Variants in TENM3 observed in about 807,000 individuals in gnomAD.
TENM3 encodes teneurin-3.
In TENM3, 63 loss-of-function variants were observed where a neutral mutation model predicts 255.1. The ratio of observed to expected loss-of-function variants is 0.25; its 90% CI spans 0.20 to 0.30. The LOEUF (loss-of-function observed/expected upper bound fraction) is 0.30. Among genes scored for constraint, TENM3 ranks in the 10% least tolerant of loss-of-function variants. The pLI is 1.00. For synonymous variants in TENM3, 1,306 were observed against 1,322.3 expected (o/e 0.99, Z 0.27); for missense variants, 2,929 against 3,461.1 (o/e 0.85, Z 3.86).
chr4:182,046,915 A>G, the TENM3 span, among the ~76,000 whole-genome samples: 17 of 152,092 alleles, frequency 1.1e-4, 1 homozygote, highest in Admixed American at 1.1e-3. Context: ...AATGCCAAGA[A>G]TTTTTCTTTT....
chr4:181,496,144 G>A, the TENM3 span, among the ~76,000 whole-genome samples: 2 of 151,670 alleles, frequency 1.3e-5, no homozygotes, highest in South Asian at 2.1e-4. Flanking sequence ...AGAAATGAAC[G>A]CTGGGCCTCA....
chr4:182,394,008 T>C (rs1426438636), intron 3 of TENM3, among the ~76,000 whole-genome samples: 1 of 152,182 alleles, frequency 6.6e-6, no homozygotes, highest in Non-Finnish European at 1.5e-5. Flanking sequence ...GTTACAATCC[T>C]AGGGAAGAAG....
the TENM3 span, among the ~76,000 whole-genome samples, chr4:182,061,478 C>T: frequency 6.6e-6 from 1 of 152,056 alleles, no homozygotes; most frequent in Non-Finnish European, 1.5e-5. Context: ...TTTGATTACC[C>T]TCAGTGCTGA....
At chr4:181,997,022 A>AC in the TENM3 span, among the ~76,000 whole-genome samples, 1 of 152,156 alleles carries the variant, frequency 6.6e-6, no homozygotes. Context: ...TGCAATTTTA[A>AC]CCCTTGCAAT....
intron 5 of TENM3, among the ~76,000 whole-genome samples, chr4:182,645,226 G>T (rs1331868627): frequency 6.6e-6 from 1 of 151,942 alleles, no homozygotes; most frequent in Non-Finnish European, 1.5e-5. Flanking sequence ...TTTGTCTTTA[G>T]TAAAGTTTGA....
chr4:181,489,649 A>G, the TENM3 span, among the ~76,000 whole-genome samples: 3,097 of 152,276 alleles, frequency 0.02, 91 homozygotes, highest in African/African-American at 0.067. Flanking sequence ...TAACAGATAT[A>G]TGTGTACATG....
the TENM3 span, among the ~76,000 whole-genome samples, chr4:181,947,600 A>G: frequency 1.6e-4 from 25 of 152,284 alleles, no homozygotes; most frequent in African/African-American, 4.8e-4. Context: ...TATTTGAAAA[A>G]TGTTACTTAT....
intron 13 of TENM3, among the ~76,000 whole-genome samples, chr4:182,727,515 G>T (rs900881872): frequency 6.6e-6 from 1 of 151,364 alleles, no homozygotes; most frequent in Admixed American, 6.6e-5. Context: ...GACCTTAAAG[G>T]ATAATGTTAT....
the TENM3 span, among the ~76,000 whole-genome samples, chr4:181,775,896 G>A: frequency 2.5e-4 from 38 of 152,056 alleles, no homozygotes; most frequent in South Asian, 2.1e-4. Flanking sequence ...TCAATCACTC[G>A]TGTATTTATC....
In TENM3 at chr4:182,707,491, A is replaced by G. The variant is rs561258939; in HGVS notation, c.2222-6596A>G. 6.4e-4 allele frequency among the ~76,000 whole-genome samples: 97 copies of G among 152,304 alleles called. 1 individual carries two copies. The South Asian group carries it at 0.02, about 31-fold the overall frequency. On this transcript the variant is annotated intron_variant, in intron 12 of 27. Coordinates refer to ENST00000511685, the MANE Select transcript of TENM3 (RefSeq NM_001080477.4). ...CTCCACCTATCTTTCCCAAAATACA[A>G]AGGAGGAAATATGGCAATTAGGGGC... is the stretch of plus-strand genomic sequence containing the variant.
intron 13 of TENM3, among the ~76,000 whole-genome samples, chr4:182,722,087 G>A (rs530847712): frequency 4.9e-4 from 75 of 152,168 alleles, no homozygotes; most frequent in South Asian, 1.2e-3. Flanking sequence ...CTTTTTAGTC[G>A]TGACTTCTGG....
In TENM3 at chr4:182,680,590, C is replaced by T. The variant is rs1189585069; in HGVS notation, c.1687C>T (p.Arg563Cys). 7 of 1,613,760 alleles carry T rather than the reference C, an allele frequency of 4.3e-6. No homozygotes were observed. The highest frequency in any genetic ancestry group is 2.2e-5 in the South Asian group (2 of 91,038). The part of the protein sequence containing the change: ...CSGNGQYSKG[R>C]CLCFSGWKGT... ...TGGCAACGGGCAGTACTCCAAGGGC[C>T]GCTGCCTGTGTTTCAGCGGCTGGAA... is the stretch of plus-strand genomic sequence containing the variant. The change falls in exon 10 of 28, where the codon CGC becomes TGC. Residue 563 changes from arginine (R) to cysteine (C), a missense_variant. Transcript: ENST00000511685.
At chr4:181,814,886 C>T in the TENM3 span, among the ~76,000 whole-genome samples, 23 of 151,258 alleles carry the variant, frequency 1.5e-4, no homozygotes, top group African/African-American at 5.6e-4. Context: ...TTAGAAAGAA[C>T]AAAAGTTCAA....
chr4:182,144,600 G>C (rs1283776967), upstream of TENM3: 4 of 147,700 alleles, frequency 2.7e-5, no homozygotes, highest in African/African-American at 9.9e-5. Context: ...CCCCGCCCCC[G>C]CCCCGCCGGC....
intron 3 of TENM3, among the ~76,000 whole-genome samples, chr4:182,511,202 A>T (rs1045564860): frequency 1.3e-5 from 2 of 152,202 alleles, no homozygotes; most frequent in Non-Finnish European, 2.9e-5. Context: ...AGGCTGTAGT[A>T]GGCTGTAATT....
the TENM3 span, among the ~76,000 whole-genome samples, chr4:182,022,307 CA>C: frequency 1.3e-5 from 2 of 152,084 alleles, no homozygotes; most frequent in Non-Finnish European, 2.9e-5. Flanking sequence ...AACAGAAAAT[CA>C]AATACTGCAT....
chr4:182,678,379 T>C (rs1755822905), intron 7 of TENM3, among the ~76,000 whole-genome samples: 1 of 152,252 alleles, frequency 6.6e-6, no homozygotes, highest in African/African-American at 2.4e-5. Context: ...GCACGTTTAC[T>C]GTTACTGCCA....
chr4:181,915,687 AG>A, the TENM3 span, among the ~76,000 whole-genome samples: 94 of 44,214 alleles, frequency 2.1e-3, no homozygotes, highest in Non-Finnish European at 5.7e-4. Context: ...GGGGAGGGGA[AG>A]GGGGGAGGGG....
chr4:182,639,814 G>A (rs1285328744), intron 5 of TENM3, among the ~76,000 whole-genome samples: 2 of 152,092 alleles, frequency 1.3e-5, no homozygotes, highest in South Asian at 2.1e-4. Flanking sequence ...AATTTGGACC[G>A]GGTGTGGTGG....
Sources: gnomAD v4.1 joint callset for allele counts (sites outside exome capture counted in the v4.1 genomes callset) on GRCh38, gnomAD v4.1.1 for gene constraint, MANE v1.5 for transcripts, NCBI Gene and HGNC (gene_info 2026-07-23, HGNC 2026-07-21) for gene names.